ACSF3: variants seen among roughly 807,000 people sequenced by gnomAD.
ACSF3 encodes malonate--CoA ligase ACSF3, mitochondrial.
Under a neutral mutation model 53.2 loss-of-function variants are expected in ACSF3, and 78 were observed. The observed-to-expected ratio is 1.47, with a 90% CI of 1.22 to 1.77. ACSF3 has a LOEUF of 1.77. Ranked by LOEUF, ACSF3 falls within the 40% of genes most tolerant of loss-of-function variation. ACSF3 has a pLI of 0.00. For missense variants in ACSF3, 937 were observed against 771.1 expected (o/e 1.22, Z -2.55); for synonymous variants, 414 against 333.1 (o/e 1.24, Z -2.65).
At chr16:89,106,439 C>T (rs1288964046) in intron 4 of ACSF3, among the ~76,000 whole-genome samples, 9 of 152,038 alleles carry the variant, frequency 5.9e-5, no homozygotes, top group African/African-American at 2.2e-4. Context: ...ATTACAGGCA[C>T]CTGCCACCAC....
chr16:89,154,452 TGCA>T lies in ACSF3; in HGVS notation c.*248_*250del. On this transcript the variant is annotated 3_prime_UTR_variant, in exon 11 of 11. Transcript: ENST00000614302. ...GCCTGGTCACCGCCGACCTCATCTGTGCAGCGCGGTGCAGCCAGCCCCTGGCCC... is the reference window on the plus strand; with the variant it reads ...GCCTGGTCACCGCCGACCTCATCTGTGCGCGGTGCAGCCAGCCCCTGGCCC... The T allele has an allele frequency of 1.6e-6, 1 of 633,872 alleles. No individual in the cohort carries two copies. The highest frequency in any genetic ancestry group is 2.9e-6 in the Non-Finnish European group (1 of 342,794). The allele number at this position is 633,872 out of a possible 1,614,324, so 39.3% of individuals were successfully genotyped here. A position where few individuals can be genotyped will look rare whatever the true frequency, so the allele number is the denominator to read the frequency against.
intron 6 of ACSF3, 162 bp downstream of exon 6, chr16:89,114,649 A>T: frequency 9.9e-7 from 1 of 1,012,528 alleles, no homozygotes; most frequent in Non-Finnish European, 1.5e-6. Flanking sequence ...ATGCACTGCG[A>T]CCTGTCCCCT....
At position 89,154,104 on chromosome 16, in the gene ACSF3, C is replaced by G. The variant is rs767244317; in HGVS notation, c.1628C>G (p.Pro543Arg). The G allele has an allele frequency of 4.3e-6, 7 of 1,612,810 alleles. No homozygotes were observed. Among genetic ancestry groups the G allele is most frequent in the Non-Finnish European group, 5.9e-6 (7 of 1,179,590 alleles). ...LKEWARNVLA[P>R]YAVPSELVLV... is the part of the protein sequence containing the mutation. ...TGTCTCTGCAGAAATGTCCTGGCCC[C>G]GTACGCGGTGCCCTCGGAGCTGGTG... Residue 543 changes from proline (P) to arginine (R), a missense_variant, in exon 11 of 11, where the codon CCG becomes CGG. By Grantham distance (103) the Pro-to-Arg change is moderately radical. Transcript: ENST00000614302.
intron 8 of ACSF3, chr16:89,136,738 T>C (rs1910564217): frequency 7.8e-7 from 1 of 1,287,286 alleles, no homozygotes. Context: ...CCTCTGTGCC[T>C]ACAGCCCGCT....
chr16:89,155,645 G>A lies in ACSF3; in HGVS notation c.*1438G>A, dbSNP rs376912020. ...GCCAGAGGCCTGGACCCAAGGGAAC[G>A]GCAGTCAGAGACTACAGTCCAGACG... is the stretch of plus-strand genomic sequence containing the variant. On this transcript the variant is annotated 3_prime_UTR_variant, in exon 11 of 11. Transcript: ENST00000614302. 8.1e-5 allele frequency: 37 copies of A among 453,994 alleles called. No individual in the cohort carries two copies. Among genetic ancestry groups the A allele is most frequent in the African/African-American group, 2.8e-4 (14 of 50,010 alleles). The allele number at this position is 453,994 out of a possible 1,614,324, so 28.1% of individuals were successfully genotyped here.
chr16:89,147,204 T>G (rs1196839719), intron 10 of ACSF3, among the ~76,000 whole-genome samples: 11 of 37,884 alleles, frequency 2.9e-4, no homozygotes, highest in East Asian at 7.4e-4. Context: ...ACAGAGTGAG[T>G]GAGAGAGGAG....
intron 6 of ACSF3, chr16:89,114,829 C>G: frequency 2.6e-6 from 1 of 385,518 alleles, no homozygotes; most frequent in South Asian, 2.1e-5. Flanking sequence ...TGGCTCCAGA[C>G]CACATCAGCA....
intron 8 of ACSF3, among the ~76,000 whole-genome samples, chr16:89,134,966 G>C (rs550742263): frequency 6.6e-6 from 1 of 152,258 alleles, no homozygotes; most frequent in East Asian, 1.9e-4. Context: ...GTGGACACAC[G>C]TGGTTGTGTG....
Position 89,154,718 on chromosome 16 carries a change from AG to A in ACSF3, c.*512del, listed in dbSNP as rs1417084026. ...GGAGCTGAGGGTTCACAAGCCTCCC[AG>A]AACCAGCCCTGTCCCATGGGTTCCG... On this transcript the variant is annotated 3_prime_UTR_variant, in exon 11 of 11. Coordinates refer to ENST00000614302, the MANE Select transcript of ACSF3 (RefSeq NM_001243279.3). The A allele has an allele frequency of 4.2e-5, 19 of 454,096 alleles. No homozygotes were observed. Among genetic ancestry groups the A allele is most frequent in the Non-Finnish European group, 8.4e-5 (19 of 226,858 alleles). 28.1% of individuals were successfully genotyped at this position (454,096 alleles called of 1,614,324 possible).
intron 4 of ACSF3, among the ~76,000 whole-genome samples, chr16:89,108,240 C>G (rs1363311813): frequency 6.6e-6 from 1 of 152,186 alleles, no homozygotes; most frequent in Non-Finnish European, 1.5e-5. Flanking sequence ...TATCAGGAGT[C>G]CTTAAATTTG....
intron 4 of ACSF3, among the ~76,000 whole-genome samples, chr16:89,106,030 G>A (rs905850141): frequency 3.9e-5 from 6 of 152,210 alleles, no homozygotes; most frequent in East Asian, 1.9e-4. Flanking sequence ...CTGCTGCTGC[G>A]GCGTCTCTGC....
chr16:89,095,633 A>G (rs1018745303), intron 1 of ACSF3, among the ~76,000 whole-genome samples: 2 of 152,036 alleles, frequency 1.3e-5, no homozygotes, highest in Admixed American at 1.3e-4. Flanking sequence ...GGTGGTGAAC[A>G]GGTCAGGTGT....
intron 7 of ACSF3, among the ~76,000 whole-genome samples, chr16:89,130,264 T>C (rs1460500700): frequency 1.3e-5 from 2 of 152,246 alleles, no homozygotes; most frequent in Non-Finnish European, 2.9e-5. Context: ...ACTATTTTCT[T>C]TCAGCACTTT....
chr16:89,123,141 C>T (rs1006569801), intron 7 of ACSF3, among the ~76,000 whole-genome samples: 7 of 152,180 alleles, frequency 4.6e-5, no homozygotes, highest in Non-Finnish European at 1.0e-4. Context: ...AGGTGGAGTA[C>T]AGCTGCCCTG....
At chr16:89,117,406 C>A (rs534814247) in intron 6 of ACSF3, among the ~76,000 whole-genome samples, 125 of 152,322 alleles carry the variant, frequency 8.2e-4, no homozygotes, top group Non-Finnish European at 1.4e-3. Flanking sequence ...ACAGTGCCCC[C>A]CTAGCCTTTT....
intron 1 of ACSF3, among the ~76,000 whole-genome samples, chr16:89,095,614 G>A (rs574346384): frequency 1.7e-5 from 1 of 57,862 alleles, no homozygotes; most frequent in Non-Finnish European, 3.6e-5. Context: ...GGGCGGGGGT[G>A]TCAGGTGTGG....
chr16:89,147,033 T>A (rs558825780), intron 10 of ACSF3, among the ~76,000 whole-genome samples: 1 of 151,640 alleles, frequency 6.6e-6, no homozygotes, highest in African/African-American at 2.4e-5. Context: ...TTCCACAGGC[T>A]ATACAGGAAG....
intron 2 of ACSF3, 120 bp from the exon 3 acceptor site, chr16:89,100,542 A>T (rs966336801): frequency 9.8e-7 from 1 of 1,020,912 alleles, no homozygotes; most frequent in Non-Finnish European, 1.4e-6. Context: ...GCGCTGCCTC[A>T]TGACTGAAGG....
intron 4 of ACSF3, among the ~76,000 whole-genome samples, chr16:89,110,508 T>C (rs1014775861): frequency 2.6e-5 from 4 of 152,256 alleles, no homozygotes; most frequent in African/African-American, 9.6e-5. Context: ...TTGTGTTTTG[T>C]GGGTCTCTTG....
Sources: gnomAD v4.1 joint callset for allele counts (sites outside exome capture counted in the v4.1 genomes callset) on GRCh38, gnomAD v4.1.1 for gene constraint, MANE v1.5 for transcripts, NCBI Gene and HGNC (gene_info 2026-07-23, HGNC 2026-07-21) for gene names.